The following ENAH variants were observed in gnomAD, a reference collection of about 807,000 sequenced individuals.
ENAH encodes ENAH actin regulator, also known as protein enabled homolog.
Under a neutral mutation model 78.7 loss-of-function variants are expected in ENAH, and 23 were observed. The ratio of observed to expected loss-of-function variants is 0.29; its 90% confidence interval spans 0.21 to 0.41. ENAH has a LOEUF of 0.41. Among genes scored for constraint, ENAH ranks in the 10% least tolerant of loss-of-function variants. The pLI is 1.00. For missense variants in ENAH, 544 were observed against 691.0 expected (o/e 0.79, Z 2.39); for synonymous variants, 226 against 241.0 (o/e 0.94, Z 0.58).
intron 1 of ENAH, among the ~76,000 whole-genome samples, chr1:225,577,649 G>T (rs908119780): frequency 2.6e-5 from 4 of 152,208 alleles, no homozygotes; most frequent in Admixed American, 1.3e-4. Flanking sequence ...TACAAATGCA[G>T]TCTAGTATAA....
At chr1:225,637,039 C>A (rs1033683970) in intron 1 of ENAH, among the ~76,000 whole-genome samples, 5 of 152,090 alleles carry the variant, frequency 3.3e-5, no homozygotes, top group African/African-American at 1.2e-4. Context: ...TTCACTGGTA[C>A]CTTTGGAAAA....
At chr1:225,550,557 TC>T (rs2096636630) in intron 3 of ENAH, among the ~76,000 whole-genome samples, 1 of 152,218 alleles carries the variant, frequency 6.6e-6, no homozygotes, top group Non-Finnish European at 1.5e-5. Flanking sequence ...ATTTTTTTAA[TC>T]CTATTAATTC....
chr1:225,602,813 G>A (rs1002848087), intron 1 of ENAH, among the ~76,000 whole-genome samples: 3 of 151,998 alleles, frequency 2.0e-5, no homozygotes, highest in African/African-American at 4.8e-5. Context: ...CATCTATCTA[G>A]AAGAACCAAA....
At position 225,507,901 on chromosome 1, in the gene ENAH, AT is replaced by A. The variant is rs537036379; in HGVS notation, c.1538+49del. On this transcript the variant is annotated intron_variant, in intron 11 of 13. Transcript: ENST00000366843. ...TTTTTTCTACACTAAGAATGCATTA[AT>A]TTTTTTTTATACAAATAAAATATAA... The A allele has an allele frequency of 1.2e-3, 1,600 of 1,325,964 alleles. 2 individuals carry two copies. The highest frequency in any genetic ancestry group is 9.5e-3 in the African/African-American group (619 of 65,424). The allele number at this position is 1,325,964 out of a possible 1,614,324, so 82.1% of individuals were successfully genotyped here.
intron 1 of ENAH, among the ~76,000 whole-genome samples, chr1:225,620,148 A>C (rs1274076400): frequency 6.6e-6 from 1 of 152,032 alleles, no homozygotes; most frequent in Admixed American, 6.6e-5. Context: ...TGAAAGCTGG[A>C]ACTATCTGCA....
chr1:225,641,148 C>A (rs935333732), intron 1 of ENAH, among the ~76,000 whole-genome samples: 1 of 151,702 alleles, frequency 6.6e-6, no homozygotes, highest in African/African-American at 2.4e-5. Flanking sequence ...CAGGCATGAG[C>A]CACCGCGCCC....
At chr1:225,638,156 A>G (rs1660387402) in intron 1 of ENAH, among the ~76,000 whole-genome samples, 1 of 152,218 alleles carries the variant, frequency 6.6e-6, no homozygotes, top group Non-Finnish European at 1.5e-5. Context: ...CAGCCAGTAA[A>G]TAGCAGAATG....
Position 225,497,117 on chromosome 1 carries a change from T to A in ENAH, c.*658A>T, listed in dbSNP as rs1298127188. On this transcript the variant is annotated 3_prime_UTR_variant, in exon 14 of 14. Transcript: ENST00000366843. Reference sequence around the variant, plus strand: ...TCTGGACAAATTTTATGTTTTAATCTACAAAATTGCATGAAGGCTAACTCG... The same window carrying A: ...TCTGGACAAATTTTATGTTTTAATCAACAAAATTGCATGAAGGCTAACTCG... 1 of 152,656 alleles carries A rather than the reference T, an allele frequency of 6.6e-6. No individual in the cohort carries two copies. The highest frequency in any genetic ancestry group is 1.5e-5 in the Non-Finnish European group (1 of 68,034). The allele number at this position is 152,656 out of a possible 1,614,324, so 9.5% of individuals were successfully genotyped here.
intron 1 of ENAH, among the ~76,000 whole-genome samples, chr1:225,631,053 T>A (rs890780597): frequency 1.3e-5 from 2 of 152,224 alleles, no homozygotes; most frequent in Non-Finnish European, 2.9e-5. Context: ...TTTTAAATGC[T>A]TGTTTTAAAA....
chr1:225,651,793 A>C (rs1296581073), intron 1 of ENAH, among the ~76,000 whole-genome samples: 1 of 152,218 alleles, frequency 6.6e-6, no homozygotes, highest in East Asian at 1.9e-4. Flanking sequence ...AAGGCTGGAA[A>C]AAAAATCTCC....
At chr1:225,565,407 C>T (rs1246774588) in intron 2 of ENAH, among the ~76,000 whole-genome samples, 3 of 151,694 alleles carry the variant, frequency 2.0e-5, no homozygotes, top group African/African-American at 7.3e-5. Context: ...TGCACTCCAC[C>T]CTGGGCGACA....
At chr1:225,625,241 G>T (rs1657735483) in intron 1 of ENAH, among the ~76,000 whole-genome samples, 1 of 152,214 alleles carries the variant, frequency 6.6e-6, no homozygotes. Context: ...ATGAAATGCA[G>T]ATAAAGTTAA....
intron 4 of ENAH, among the ~76,000 whole-genome samples, chr1:225,521,032 C>T (rs1051079464): frequency 2.0e-5 from 3 of 149,910 alleles, no homozygotes; most frequent in Admixed American, 6.6e-5. Context: ...GTGTGTACAA[C>T]TCTGGATGGA....
At chr1:225,652,584 A>C in intron 1 of ENAH, 102 bp downstream of exon 1, 2 of 1,161,154 alleles carry the variant, frequency 1.7e-6, no homozygotes, top group Non-Finnish European at 2.2e-6. Flanking sequence ...ACCAGGGGAG[A>C]CGCGCCGGGC....
intron 1 of ENAH, among the ~76,000 whole-genome samples, chr1:225,573,115 T>G (rs1043989004): frequency 6.6e-6 from 1 of 152,214 alleles, no homozygotes; most frequent in Non-Finnish European, 1.5e-5. Flanking sequence ...TTAAGCAGAC[T>G]AAGGATTGCT....
Position 225,611,309 on chromosome 1 carries a change from T to A in ENAH, c.5+41377A>T, listed in dbSNP as rs549153512. 4.9e-3 allele frequency among the ~76,000 whole-genome samples: 745 copies of A among 152,106 alleles called. 8 individuals are homozygous for A. The highest frequency in any genetic ancestry group is 0.027 in the South Asian group (130 of 4,808). Reference sequence around the variant, plus strand: ...TCTCTACCAAAAAAAAAAATTTATTTATTTATTTACGTATTTATTTATTTA... The same window carrying A: ...TCTCTACCAAAAAAAAAAATTTATTAATTTATTTACGTATTTATTTATTTA... On this transcript the variant is annotated intron_variant, in intron 1 of 13. Transcript: ENST00000366843.
At chr1:225,611,612 G>A (rs2096989701) in intron 1 of ENAH, among the ~76,000 whole-genome samples, 1 of 152,008 alleles carries the variant, frequency 6.6e-6, no homozygotes, top group Non-Finnish European at 1.5e-5. Flanking sequence ...GAGCTACCTT[G>A]CCCAGACAAA....
chr1:225,506,351 C>A (rs2096329300), intron 11 of ENAH, among the ~76,000 whole-genome samples: 1 of 152,168 alleles, frequency 6.6e-6, no homozygotes, highest in African/African-American at 2.4e-5. Context: ...CCATGCCCAG[C>A]TAATTTTTGT....
chr1:225,612,126 TACATA>T (rs1165124470), intron 1 of ENAH, among the ~76,000 whole-genome samples: 4 of 152,204 alleles, frequency 2.6e-5, no homozygotes, highest in Non-Finnish European at 5.9e-5. Context: ...CAAATACTTA[TACATA>T]AATCTTCATA....
Sources: allele counts gnomAD v4.1 joint callset (sites outside exome capture counted in the v4.1 genomes callset), GRCh38; gene constraint gnomAD v4.1.1; transcripts MANE v1.5; gene names NCBI Gene and HGNC (gene_info 2026-07-23, HGNC 2026-07-21).